NPAS3: variants seen among roughly 807,000 people sequenced by gnomAD.
NPAS3 encodes the protein neuronal PAS domain-containing protein 3.
In NPAS3, 14 loss-of-function variants were observed where a neutral mutation model predicts 73.1. The observed-to-expected ratio is 0.19, with a 90% CI of 0.13 to 0.30. The LOEUF is 0.30. Ranked by LOEUF, NPAS3 falls within the 10% of genes least tolerant of loss-of-function variation. NPAS3 has a pLI of 1.00. For missense variants in NPAS3, 1,096 were observed against 1,250.0 expected, an observed-to-expected ratio of 0.88 and a Z score of 1.86; for synonymous variants, 620 against 541.5, an observed-to-expected ratio of 1.14 and a Z score of -2.01.
chr14:33,605,384 C>A, intron 5 of NPAS3, among the ~76,000 whole-genome samples: 11 of 96,990 alleles, frequency 1.1e-4, no homozygotes, highest in East Asian at 6.4e-4. Context: ...AGATAAAAGG[C>A]ATTCAAATTA....
intron 3 of NPAS3, among the ~76,000 whole-genome samples, chr14:33,244,170 A>G (rs2048303333): frequency 6.6e-6 from 1 of 151,934 alleles, no homozygotes; most frequent in Non-Finnish European, 1.5e-5. Flanking sequence ...CCAAAGCACA[A>G]TATTAGGATT....
chr14:32,996,907 C>T (rs530868006), intron 1 of NPAS3, among the ~76,000 whole-genome samples: 146 of 152,226 alleles, frequency 9.6e-4, no homozygotes, highest in Middle Eastern at 3.4e-3. Flanking sequence ...CTCCAGACGC[C>T]GGAATGGTAG....
chr14:33,154,294 G>A (rs1311276741), intron 2 of NPAS3, among the ~76,000 whole-genome samples: 1 of 152,176 alleles, frequency 6.6e-6, no homozygotes, highest in Non-Finnish European at 1.5e-5. Context: ...TGAGTTTGTT[G>A]TTGCTTTATG....
intron 4 of NPAS3, among the ~76,000 whole-genome samples, chr14:33,473,499 A>G (rs759684488): frequency 3.3e-4 from 50 of 152,316 alleles, no homozygotes; most frequent in Non-Finnish European, 6.6e-4. Context: ...TCATTCATCT[A>G]CTGAATATTT....
At chr14:33,155,666 G>T (rs1405340374) in intron 2 of NPAS3, among the ~76,000 whole-genome samples, 2 of 152,160 alleles carry the variant, frequency 1.3e-5, no homozygotes, top group Non-Finnish European at 2.9e-5. Context: ...CTATGGAAGA[G>T]GTTTCTTCCC....
In NPAS3 at chr14:33,065,715, T is replaced by C. The variant is rs1250154961; in HGVS notation, c.140+9721T>C. On this transcript the variant is annotated intron_variant, in intron 2 of 11. Transcript: ENST00000356141. ...AGGATCTCTGGGCCTTGCTCTTTGCTTGTTCTCATGTGTTACCAATGAGAA... is the reference window on the plus strand; with the variant it reads ...AGGATCTCTGGGCCTTGCTCTTTGCCTGTTCTCATGTGTTACCAATGAGAA... Among the ~76,000 whole-genome samples the C allele has an allele frequency of 2.0e-5, 3 of 152,114 alleles. No individual in the cohort carries two copies. In the East Asian group the frequency reaches 5.9e-4, roughly 30 times the overall value.
intron 7 of NPAS3, among the ~76,000 whole-genome samples, chr14:33,760,829 C>A (rs141173567): frequency 5.0e-4 from 76 of 152,190 alleles, no homozygotes; most frequent in African/African-American, 1.8e-3. Flanking sequence ...TGCTAAAATC[C>A]CAAGGAAATA....
chr14:33,279,469 A>C (rs895347922), intron 3 of NPAS3, among the ~76,000 whole-genome samples: 1 of 152,178 alleles, frequency 6.6e-6, no homozygotes, highest in Non-Finnish European at 1.5e-5. Flanking sequence ...TGAAGCTGCC[A>C]ATACAACTTT....
chr14:33,346,432 G>A lies in NPAS3; in HGVS notation c.386-20754G>A, dbSNP rs1321647574. The stretch of plus-strand genomic sequence containing the variant: ...TAGTCCCAGCTACTTGGGAGGTGAG[G>A]TAGGAGGATCGCTTGAACCCAAGAG... On this transcript the variant is annotated intron_variant, in intron 3 of 11. Coordinates refer to ENST00000356141, the Ensembl canonical transcript of NPAS3. 2.0e-5 allele frequency among the ~76,000 whole-genome samples: 3 copies of A among 148,688 alleles called. No individual in the cohort carries two copies. The Admixed American group carries it at 2.0e-4, about 10-fold the overall frequency.
chr14:33,463,517 C>T (rs1039770364), intron 4 of NPAS3, among the ~76,000 whole-genome samples: 27 of 151,282 alleles, frequency 1.8e-4, no homozygotes, highest in African/African-American at 6.3e-4. Flanking sequence ...ATAATTTATA[C>T]TTAAACAGCT....
At chr14:33,467,886 T>C (rs180910051) in intron 4 of NPAS3, among the ~76,000 whole-genome samples, 52 of 152,348 alleles carry the variant, frequency 3.4e-4, no homozygotes, top group African/African-American at 1.2e-3. Context: ...TAAATCATCA[T>C]GCTTGCAACA....
chr14:33,387,456 TA>T (rs562262666), intron 4 of NPAS3, among the ~76,000 whole-genome samples: 37 of 152,294 alleles, frequency 2.4e-4, no homozygotes, highest in African/African-American at 8.9e-4. Context: ...TTTTTTGGCC[TA>T]AATACCCGTT....
At chr14:33,776,186 T>C (rs781755598) in intron 8 of NPAS3, among the ~76,000 whole-genome samples, 1 of 152,166 alleles carries the variant, frequency 6.6e-6, no homozygotes. Context: ...CAAAGCTATT[T>C]CTTCTCTAAT....
At chr14:32,949,586 A>C (rs989238573) in intron 1 of NPAS3, among the ~76,000 whole-genome samples, 4 of 152,072 alleles carry the variant, frequency 2.6e-5, no homozygotes, top group African/African-American at 9.7e-5. Context: ...GAACTAGATG[A>C]AAGTATGGAA....
At chr14:33,725,995 C>G (rs111895165) in intron 6 of NPAS3, among the ~76,000 whole-genome samples, 1 of 152,172 alleles carries the variant, frequency 6.6e-6, no homozygotes, top group East Asian at 1.9e-4. Context: ...TATTCTTCCT[C>G]TTTATTTCCC....
intron 3 of NPAS3, among the ~76,000 whole-genome samples, chr14:33,339,355 T>C (rs946826167): frequency 3.3e-5 from 5 of 152,128 alleles, no homozygotes; most frequent in African/African-American, 9.7e-5. Flanking sequence ...GGGGAAGCAG[T>C]GGGCAAAGCA....
At chr14:33,532,902 A>G (rs896689539) in intron 4 of NPAS3, among the ~76,000 whole-genome samples, 4 of 152,094 alleles carry the variant, frequency 2.6e-5, no homozygotes, top group Non-Finnish European at 5.9e-5. Flanking sequence ...CCATGCTTAC[A>G]CTTTAAAGTG....
intron 1 of NPAS3, among the ~76,000 whole-genome samples, chr14:32,951,245 TTTGAA>T (rs533396239): frequency 3.9e-5 from 6 of 152,134 alleles, no homozygotes; most frequent in Non-Finnish European, 7.4e-5. Flanking sequence ...GATTATGTGA[TTTGAA>T]TTATGTGGAT....
chr14:33,766,810 TGGA>T (rs2062477469), intron 7 of NPAS3, among the ~76,000 whole-genome samples: 1 of 152,298 alleles, frequency 6.6e-6, no homozygotes, highest in South Asian at 2.1e-4. Context: ...TCCTTGGCCC[TGGA>T]GGAGGTCTGC....
Sources: allele counts gnomAD v4.1 joint callset (sites outside exome capture counted in the v4.1 genomes callset), GRCh38; gene constraint gnomAD v4.1.1; transcripts MANE v1.5; gene names NCBI Gene and HGNC (gene_info 2026-07-23, HGNC 2026-07-21).